Variants in PCLO observed in about 807,000 individuals in gnomAD.
The protein encoded by PCLO is protein piccolo.
A neutral mutation model predicts 427.5 loss-of-function variants in PCLO; 82 were observed. The ratio of observed to expected loss-of-function variants is 0.19; its 90% CI spans 0.16 to 0.23. The LOEUF is 0.23. Among genes scored for constraint, PCLO ranks in the 10% least tolerant of loss-of-function variants. PCLO has a pLI of 1.00. For missense variants in PCLO, 6,239 were observed against 6,115.9 expected (o/e 1.02, Z -0.67); for synonymous variants, 2,357 against 2,155.4 (o/e 1.09, Z -2.59).
Position 82,955,777 on chromosome 7 carries a change from T to C in PCLO, c.5176A>G (p.Thr1726Ala). Reference sequence around the variant, plus strand: ...ACTGATGTAGGGGATGTACCAGGAGTGAAGCTGGAAGCATGCAGACTCGAA... The same window carrying C: ...ACTGATGTAGGGGATGTACCAGGAGCGAAGCTGGAAGCATGCAGACTCGAA... ...GSSSLHASSF[T>A]PGTSPTSVSS... is the part of the protein sequence containing the mutation. Residue 1726 changes from threonine (T) to alanine (A), a missense_variant, in exon 5 of 25, where the codon ACT becomes GCT. Transcript: ENST00000333891. 1 of 1,613,948 alleles carries C rather than the reference T, an allele frequency of 6.2e-7. No individual in the cohort carries two copies. The highest frequency in any genetic ancestry group is 8.5e-7 in the Non-Finnish European group (1 of 1,179,872).
intron 3 of PCLO, among the ~76,000 whole-genome samples, chr7:82,988,864 C>T (rs1796312755): frequency 6.7e-6 from 1 of 149,724 alleles, no homozygotes; most frequent in Non-Finnish European, 1.5e-5. Flanking sequence ...GACGGAGTTT[C>T]GCTCTTGTTG....
chr7:82,900,941 A>C (rs75675821), intron 9 of PCLO, among the ~76,000 whole-genome samples: 10,050 of 151,860 alleles, frequency 0.066, 455 homozygotes, highest in East Asian at 0.2. Context: ...AAAAGAACAC[A>C]AACAAAAAAA....
In PCLO at chr7:82,954,029, A is replaced by G. The variant is rs779846784; in HGVS notation, c.6924T>C (p.Thr2308=). The G allele has an allele frequency of 2.5e-6, 4 of 1,613,860 alleles. No individual in the cohort carries two copies. Among genetic ancestry groups the G allele is most frequent in the Non-Finnish European group, 3.4e-6 (4 of 1,179,856 alleles). Residue 2308 remains threonine (T), a synonymous_variant, in exon 5 of 25, where the codon ACT becomes ACC. Transcript: ENST00000333891. Reference sequence around the variant, plus strand: ...AAACTTCCAGAATGATTCCATTCCCAGTTTCCTTCTTGGCTTTCTTCACTG... The same window carrying G: ...AAACTTCCAGAATGATTCCATTCCCGGTTTCCTTCTTGGCTTTCTTCACTG... ...KDPVKKAKKE[T]GNGIILEVLE...
chr7:82,862,711 T>G (rs1167259670), intron 10 of PCLO, among the ~76,000 whole-genome samples: 1 of 151,898 alleles, frequency 6.6e-6, no homozygotes, highest in Non-Finnish European at 1.5e-5. Flanking sequence ...ACAACATGGA[T>G]GGAACTGGAG....
At position 82,966,057 on chromosome 7, in the gene PCLO, T is replaced by C. The variant is rs756383148; in HGVS notation, c.3731A>G (p.Glu1244Gly). ...TGCCTCTGGGAGTAGCTTTTTGTCT[T>C]CAGGGGTTGGCTTTTTTTCTTCTAG... ...PLLEEKKPTP[E>G]DKKLLPEAKT... Residue 1244 changes from glutamate (E) to glycine (G), a missense_variant, in exon 4 of 25, where the codon GAA (glutamate) becomes GGA (glycine). This residue lies in a region of PCLO where 4,677 missense variants were observed against 4,468.4 expected (regional missense o/e 1.05). Coordinates refer to ENST00000333891, the MANE Select transcript of PCLO (RefSeq NM_033026.6). The C allele has an allele frequency of 2.5e-6, 4 of 1,613,408 alleles. No homozygotes were observed. The highest frequency in any genetic ancestry group is 3.4e-6 in the Non-Finnish European group (4 of 1,179,772).
chr7:83,007,820 C>CTACT (rs1393291411), intron 3 of PCLO, among the ~76,000 whole-genome samples: 2 of 151,478 alleles, frequency 1.3e-5, no homozygotes, highest in African/African-American at 4.8e-5. Flanking sequence ...GGCATGTTAT[C>CTACT]TACTTCAGAG....
chr7:82,863,112 T>C (rs1311219744), intron 10 of PCLO, among the ~76,000 whole-genome samples: 1 of 152,012 alleles, frequency 6.6e-6, no homozygotes, highest in Non-Finnish European at 1.5e-5. Flanking sequence ...CTCATGTACC[T>C]CATAAATATA....
chr7:82,986,170 C>T (rs1418952701), intron 3 of PCLO, among the ~76,000 whole-genome samples: 5 of 151,856 alleles, frequency 3.3e-5, no homozygotes, highest in Non-Finnish European at 5.9e-5. Context: ...ATTCTCTAAT[C>T]ATTACAAAAG....
chr7:82,841,365 A>G (rs1792360701), intron 14 of PCLO, 94 bp downstream of exon 14: 1 of 761,158 alleles, frequency 1.3e-6, no homozygotes, highest in Non-Finnish European at 2.3e-6. Flanking sequence ...ACAGAATAAG[A>G]AAAATCCTAA....
intron 7 of PCLO, among the ~76,000 whole-genome samples, chr7:82,910,585 A>G (rs1271976402): frequency 1.3e-5 from 2 of 152,166 alleles, no homozygotes; most frequent in African/African-American, 4.8e-5. Flanking sequence ...TACTAAAATC[A>G]ATGCCCTGCA....
intron 3 of PCLO, among the ~76,000 whole-genome samples, chr7:83,005,794 T>C (rs1469763717): frequency 6.6e-6 from 1 of 151,608 alleles, no homozygotes; most frequent in African/African-American, 2.4e-5. Context: ...ATTTTGCATG[T>C]TTTAGTAAAG....
At chr7:83,127,790 T>C (rs978666834) in intron 3 of PCLO, among the ~76,000 whole-genome samples, 7 of 152,126 alleles carry the variant, frequency 4.6e-5, no homozygotes, top group South Asian at 2.1e-4. Flanking sequence ...GCAGAAAATA[T>C]AGGATGTTCT....
intron 3 of PCLO, among the ~76,000 whole-genome samples, chr7:83,098,402 C>A (rs950429821): frequency 6.6e-6 from 1 of 152,102 alleles, no homozygotes. Flanking sequence ...TCATCTGCTA[C>A]ACATAAAGAC....
intron 6 of PCLO, among the ~76,000 whole-genome samples, chr7:82,936,034 C>T (rs1370206286): frequency 2.0e-5 from 3 of 151,636 alleles, no homozygotes; most frequent in Non-Finnish European, 4.4e-5. Context: ...TGAAGATCCA[C>T]TAGGAAATAT....
At chr7:82,831,325 A>G (rs1365988034) in intron 16 of PCLO, among the ~76,000 whole-genome samples, 2 of 152,154 alleles carry the variant, frequency 1.3e-5, no homozygotes, top group Admixed American at 6.6e-5. Flanking sequence ...GATTAGGCCC[A>G]TCATAAAATG....
chr7:83,000,148 G>A (rs1395928574), intron 3 of PCLO, among the ~76,000 whole-genome samples: 5 of 150,940 alleles, frequency 3.3e-5, no homozygotes, highest in African/African-American at 1.2e-4. Context: ...CCTGAAAAAA[G>A]CCAGTGTGGT....
At chr7:83,144,428 A>C (rs1355646493) in intron 2 of PCLO, among the ~76,000 whole-genome samples, 1 of 152,218 alleles carries the variant, frequency 6.6e-6, no homozygotes, top group African/African-American at 2.4e-5. Flanking sequence ...TCTCAAAAAA[A>C]AGATAAAAAT....
At chr7:83,048,880 T>G (rs1312833533) in intron 3 of PCLO, among the ~76,000 whole-genome samples, 1 of 152,196 alleles carries the variant, frequency 6.6e-6, no homozygotes, top group East Asian at 1.9e-4. Context: ...TACACTTACT[T>G]GGCTATTTAA....
rs144720248 is a variant in PCLO, at chr7:83,024,128, C to T, written c.3301-57641G>A. On this transcript the variant is annotated intron_variant, in intron 3 of 24. Transcript: ENST00000333891. ...CAAGATGGCCGAATAGGAACAGCTC[C>T]GGTCTACAGCTCCCAGCGTGAGCGA... 5.9e-3 allele frequency among the ~76,000 whole-genome samples: 894 copies of T among 152,292 alleles called. 15 individuals are homozygous for T. Among genetic ancestry groups the T allele is most frequent in the Non-Finnish European group, 7.0e-3 (478 of 68,026 alleles).
Sources: gnomAD v4.1 joint callset for allele counts (sites outside exome capture counted in the v4.1 genomes callset) on GRCh38, gnomAD v4.1.1 for gene constraint, gnomAD v4.1.1 regional missense constraint, MANE v1.5 for transcripts, NCBI Gene and HGNC (gene_info 2026-07-23, HGNC 2026-07-21) for gene names.